Variants in SIRT1 observed in about 807,000 individuals in gnomAD.
SIRT1 encodes sirtuin 1.
A neutral mutation model predicts 67.9 loss-of-function variants in SIRT1; 24 were observed. That is an observed-to-expected ratio of 0.35 (90% confidence interval 0.26 to 0.50). SIRT1 has a LOEUF of 0.50. Ranked by LOEUF, SIRT1 falls within the 20% of genes least tolerant of loss-of-function variation. SIRT1 has a pLI of 0.98. For missense variants in SIRT1, 873 were observed against 937.2 expected, an observed-to-expected ratio of 0.93 and a Z score of 0.89; for synonymous variants, 378 against 350.7, an observed-to-expected ratio of 1.08 and a Z score of -0.87.
Position 67,885,051 on chromosome 10 carries a change from A to C in SIRT1, c.330A>C (p.Pro110=). The C allele has an allele frequency of 3.5e-6, 5 of 1,427,210 alleles. No homozygotes were observed. Among genetic ancestry groups the C allele is most frequent in the Non-Finnish European group, 4.6e-6 (5 of 1,082,306 alleles). 88.4% of individuals were successfully genotyped at this position (1,427,210 alleles called of 1,614,324 possible). ...EGDNGPGLQG[P]SREPPLADNL... is the part of the protein sequence containing the mutation. ...ACAATGGGCCGGGCCTGCAGGGCCC[A>C]TCTCGGGAGCCACCGCTGGCCGACA... The change falls in exon 1 of 9, where the codon CCA becomes CCC. Residue 110 remains proline (P), a synonymous_variant. Transcript: ENST00000212015.
intron 3 of SIRT1, among the ~76,000 whole-genome samples, chr10:67,891,020 ACT>A (rs1419635233): frequency 5.8e-5 from 8 of 139,120 alleles, no homozygotes; most frequent in Non-Finnish European, 1.1e-4. Context: ...ACAGTGTGAG[ACT>A]CTGTCTCAAA....
chr10:67,903,661 A>G (rs189110445), intron 4 of SIRT1, among the ~76,000 whole-genome samples: 1 of 152,342 alleles, frequency 6.6e-6, no homozygotes, highest in Admixed American at 6.5e-5. Flanking sequence ...TGCTGGGATT[A>G]CAGGCATGAG....
chr10:67,898,394 C>T (rs1004550219), intron 4 of SIRT1, among the ~76,000 whole-genome samples: 2 of 151,868 alleles, frequency 1.3e-5, no homozygotes, highest in African/African-American at 2.4e-5. Context: ...GGGAGAAACA[C>T]GAACTGAATT....
At chr10:67,898,857 T>G (rs1055971935) in intron 4 of SIRT1, among the ~76,000 whole-genome samples, 7 of 152,128 alleles carry the variant, frequency 4.6e-5, no homozygotes, top group Non-Finnish European at 5.9e-5. Context: ...ACTTGGCTGT[T>G]TTACTTTGCT....
chr10:67,916,323 T>C lies in SIRT1; in HGVS notation c.1974T>C (p.Tyr658=). The C allele has an allele frequency of 1.2e-6, 2 of 1,613,766 alleles. No homozygotes were observed. Among genetic ancestry groups the C allele is most frequent in the Non-Finnish European group, 1.7e-6 (2 of 1,179,642 alleles). Residue 658 remains tyrosine, a synonymous_variant, in exon 9 of 9, where the codon TAT becomes TAC. Transcript: ENST00000212015. ...ACATTTTCCATGGCGCTGAGGTATA[T>C]TCAGACTCTGAAGATGACGTCTTAT... ...NRYIFHGAEV[Y]SDSEDDVLSS... is the part of the protein sequence containing the mutation.
At chr10:67,886,722 T>TC (rs1842487840) in intron 1 of SIRT1, among the ~76,000 whole-genome samples, 1 of 152,178 alleles carries the variant, frequency 6.6e-6, no homozygotes, top group Non-Finnish European at 1.5e-5. Flanking sequence ...GTACTTGTAG[T>TC]ATTGTGTAAG....
At chr10:67,893,057 G>A (rs547222646) in intron 4 of SIRT1, among the ~76,000 whole-genome samples, 6 of 152,102 alleles carry the variant, frequency 3.9e-5, no homozygotes, top group Non-Finnish European at 8.8e-5. Flanking sequence ...TTTCTTTCCT[G>A]TATTTCAGTC....
chr10:67,894,481 A>G (rs780519421), intron 4 of SIRT1, among the ~76,000 whole-genome samples: 1 of 152,150 alleles, frequency 6.6e-6, no homozygotes, highest in Non-Finnish European at 1.5e-5. Flanking sequence ...TATGACTTAA[A>G]GGTTTCTTGA....
intron 4 of SIRT1, among the ~76,000 whole-genome samples, chr10:67,892,047 G>A (rs919248687): frequency 1.3e-5 from 2 of 152,192 alleles, no homozygotes; most frequent in South Asian, 2.1e-4. Flanking sequence ...GAGTTGCACC[G>A]TCCAGTTCAG....
chr10:67,886,191 T>G (rs1033421215), intron 1 of SIRT1, among the ~76,000 whole-genome samples: 2 of 151,986 alleles, frequency 1.3e-5, no homozygotes, highest in Admixed American at 6.5e-5. Flanking sequence ...TCCGTCCGCC[T>G]CGGCCGCCCA....
chr10:67,896,535 C>A (rs963401066), intron 4 of SIRT1, among the ~76,000 whole-genome samples: 4 of 152,096 alleles, frequency 2.6e-5, no homozygotes, highest in South Asian at 2.1e-4. Context: ...GCGGCTCACA[C>A]CTGTAATCCC....
At chr10:67,900,222 T>G (rs1482253394) in intron 4 of SIRT1, among the ~76,000 whole-genome samples, 5 of 152,096 alleles carry the variant, frequency 3.3e-5, no homozygotes, top group African/African-American at 1.2e-4. Context: ...CTTGGCTCAC[T>G]GCAACCTCTG....
intron 4 of SIRT1, among the ~76,000 whole-genome samples, chr10:67,894,011 G>A (rs1454386392): frequency 2.0e-5 from 3 of 152,084 alleles, no homozygotes; most frequent in Non-Finnish European, 2.9e-5. Context: ...GCAGTAGCTC[G>A]TGCCTATAAT....
chr10:67,900,257 C>T (rs868710896), intron 4 of SIRT1, among the ~76,000 whole-genome samples: 3 of 151,906 alleles, frequency 2.0e-5, no homozygotes, highest in Non-Finnish European at 2.9e-5. Flanking sequence ...GTGATTCTCC[C>T]GCTTCAGCCT....
chr10:67,909,499 G>T (rs1842868119), intron 7 of SIRT1, 57 bp downstream of exon 7: 1 of 1,449,992 alleles, frequency 6.9e-7, no homozygotes, highest in African/African-American at 1.4e-5. Flanking sequence ...TGGGTTGTGG[G>T]TCTGTATAAT....
intron 8 of SIRT1, among the ~76,000 whole-genome samples, chr10:67,915,412 A>G (rs2029882911): frequency 6.6e-6 from 1 of 152,220 alleles, no homozygotes; most frequent in Admixed American, 6.5e-5. Flanking sequence ...TGGCCAAGCT[A>G]GGATTGATTT....
chr10:67,916,791 T>A lies in SIRT1; in HGVS notation c.*198T>A. 1.1e-5 allele frequency: 2 copies of A among 189,330 alleles called. No individual in the cohort carries two copies. The highest frequency in any genetic ancestry group is 6.4e-5 in the East Asian group (1 of 15,704). 11.7% of individuals were successfully genotyped at this position (189,330 alleles called of 1,614,324 possible). ...GTACTTGTACAAACTCAACACTAAC[T>A]TTTTTTTTTTTAAAAAAAAAAAGGT... is the stretch of plus-strand genomic sequence containing the variant. On this transcript the variant is annotated 3_prime_UTR_variant, in exon 9 of 9. Coordinates refer to ENST00000212015, the MANE Select transcript of SIRT1 (RefSeq NM_012238.5).
At chr10:67,893,366 C>CA (rs1842603590) in intron 4 of SIRT1, among the ~76,000 whole-genome samples, 1 of 152,182 alleles carries the variant, frequency 6.6e-6, no homozygotes, top group Non-Finnish European at 1.5e-5. Context: ...TCTTATTGTT[C>CA]AACTCTCACT....
At chr10:67,891,858 A>G (rs950697594) in intron 4 of SIRT1, among the ~76,000 whole-genome samples, 10 of 152,232 alleles carry the variant, frequency 6.6e-5, no homozygotes, top group Admixed American at 2.0e-4. Flanking sequence ...TAAAAGTAAC[A>G]TAACTTGTGA....
Sources: gnomAD v4.1 joint callset for allele counts (sites outside exome capture counted in the v4.1 genomes callset) on GRCh38, gnomAD v4.1.1 for gene constraint, MANE v1.5 for transcripts, NCBI Gene and HGNC (gene_info 2026-07-23, HGNC 2026-07-21) for gene names.